DTNB: variants seen among roughly 807,000 people sequenced by gnomAD.
DTNB encodes DTN-B.
A neutral mutation model predicts 90.7 loss-of-function variants in DTNB; 63 were observed. That is an observed-to-expected ratio of 0.69 (90% CI 0.57 to 0.86). The LOEUF (loss-of-function observed/expected upper bound fraction) is 0.86. Ranked by LOEUF, DTNB falls within the 40% of genes least tolerant of loss-of-function variation. DTNB has a pLI of 0.00. For missense variants in DTNB, 744 were observed against 807.1 expected, an observed-to-expected ratio of 0.92 and a Z score of 0.95; for synonymous variants, 277 against 286.7, an observed-to-expected ratio of 0.97 and a Z score of 0.34.
rs751578087 is a variant in DTNB, at chr2:25,424,671, ATTT to A, written c.1554+2861_1554+2863del. On this transcript the variant is annotated intron_variant, in intron 15 of 20. Coordinates refer to ENST00000406818, the MANE Select transcript of DTNB (RefSeq NM_021907.5). This position sits in a 1 kb window ranked among gnomAD's most constrained non-coding sequence, Gnocchi z 4.1. ...CAGGGAAGAGGTGAGTGGATCCCCT[ATTT>A]TTTTTTTTTTTGAGACTGAGTCTTA... Among the ~76,000 whole-genome samples the A allele has an allele frequency of 7.0e-6, 1 of 141,858 alleles. No individual in the cohort carries two copies. The highest frequency in any genetic ancestry group is 1.6e-5 in the Non-Finnish European group (1 of 64,386). 93.1% of individuals were successfully genotyped at this position (141,858 alleles called of 152,430 possible).
intron 10 of DTNB, among the ~76,000 whole-genome samples, chr2:25,472,560 T>G (rs1315834450): frequency 2.6e-5 from 4 of 152,190 alleles, no homozygotes; most frequent in Non-Finnish European, 5.9e-5. Context: ...CAGCTACCTA[T>G]GGCTATTTTA....
In DTNB at chr2:25,379,325, T is replaced by C; in HGVS notation, c.1880-2A>G. 2 of 1,316,740 alleles carry C rather than the reference T, an allele frequency of 1.5e-6. No homozygotes were observed. Among genetic ancestry groups the C allele is most frequent in the Non-Finnish European group, 2.0e-6 (2 of 1,023,552 alleles). The allele number at this position is 1,316,740 out of a possible 1,614,324, so 81.6% of individuals were successfully genotyped here. ...TCTGTGTCCGGCTCCTCTGCTAACC[T>C]GTGGCAGCATGGGCAGAAACAACAC... is the stretch of plus-strand genomic sequence containing the variant. On this transcript the variant is annotated splice_acceptor_variant, in intron 19 of 20. Coordinates refer to ENST00000406818, the MANE Select transcript of DTNB (RefSeq NM_021907.5). LOFTEE classifies it high-confidence loss of function.
intron 6 of DTNB, 54 bp downstream of exon 6, chr2:25,596,032 T>C: frequency 2.1e-6 from 3 of 1,456,204 alleles, no homozygotes; most frequent in Non-Finnish European, 1.8e-6. Flanking sequence ...TGTTAGAAGG[T>C]GAAGGGAGGG....
chr2:25,625,637 T>C (rs1360909845), intron 4 of DTNB, among the ~76,000 whole-genome samples: 1 of 151,318 alleles, frequency 6.6e-6, no homozygotes, highest in Non-Finnish European at 1.5e-5. Flanking sequence ...TGTCCACTTA[T>C]TCTCGTCTCT....
chr2:25,638,923 T>A (rs2077637989), intron 3 of DTNB, 91 bp downstream of exon 3: 11 of 1,252,224 alleles, frequency 8.8e-6, no homozygotes, highest in African/African-American at 1.5e-5. Flanking sequence ...ATAATTCAAT[T>A]AACATTACAA....
At chr2:25,547,987 A>AAACT (rs1242666092) in intron 8 of DTNB, among the ~76,000 whole-genome samples, 1 of 152,228 alleles carries the variant, frequency 6.6e-6, no homozygotes. Flanking sequence ...ACAGAAAGCA[A>AAACT]AACTGTCTGT....
rs187851721 is a variant in DTNB, at chr2:25,461,150, C to T, written c.1080-5656G>A. On this transcript the variant is annotated intron_variant, in intron 10 of 20. Coordinates refer to ENST00000406818, the MANE Select transcript of DTNB (RefSeq NM_021907.5). ...TACTCCCGACCTTAGGTGATCCGCC[C>T]GCCTTGGTCTCCCAAAGTGTTGGGA... 3.9e-3 allele frequency among the ~76,000 whole-genome samples: 596 copies of T among 152,304 alleles called. 2 individuals are homozygous for T. Among genetic ancestry groups the T allele is most frequent in the South Asian group, 6.8e-3 (33 of 4,824 alleles).
At chr2:25,504,233 A>G (rs2071633433) in intron 9 of DTNB, among the ~76,000 whole-genome samples, 1 of 151,668 alleles carries the variant, frequency 6.6e-6, no homozygotes, top group Non-Finnish European at 1.5e-5. Context: ...GCACCACTAC[A>G]CTCTAGCCTG....
At chr2:25,597,903 A>G (rs1469407426) in intron 5 of DTNB, among the ~76,000 whole-genome samples, 2 of 152,178 alleles carry the variant, frequency 1.3e-5, no homozygotes, top group African/African-American at 4.8e-5. Context: ...TGACAACAGA[A>G]AAAACAGAGG....
At chr2:25,461,126 A>T (rs1574763373) in intron 10 of DTNB, among the ~76,000 whole-genome samples, 1 of 152,062 alleles carries the variant, frequency 6.6e-6, no homozygotes, top group African/African-American at 2.4e-5. Context: ...CTGGTCTTGT[A>T]CTCCCGACCT....
intron 9 of DTNB, among the ~76,000 whole-genome samples, chr2:25,505,214 T>TA (rs1213179189): frequency 6.6e-6 from 1 of 152,118 alleles, no homozygotes; most frequent in Non-Finnish European, 1.5e-5. Context: ...TGCATTGGAG[T>TA]ACCCCAGGTG....
intron 6 of DTNB, among the ~76,000 whole-genome samples, chr2:25,587,470 A>C (rs1432033337): frequency 6.6e-6 from 1 of 152,116 alleles, no homozygotes; most frequent in Non-Finnish European, 1.5e-5. Flanking sequence ...GGAAGTCCAG[A>C]ATGGGACTGC....
intron 16 of DTNB, among the ~76,000 whole-genome samples, chr2:25,417,858 T>C (rs1228648821): frequency 1.3e-5 from 2 of 152,156 alleles, no homozygotes; most frequent in Non-Finnish European, 1.5e-5. Context: ...TTTGTCTACT[T>C]GGGGGAGGTA....
At chr2:25,568,960 G>A (rs2059435252) in intron 8 of DTNB, among the ~76,000 whole-genome samples, 1 of 152,220 alleles carries the variant, frequency 6.6e-6, no homozygotes, top group African/African-American at 2.4e-5. Context: ...GACAACTGCT[G>A]TCTGGATGCC....
At chr2:25,589,367 CTTTTTTTTTTTTTTTT>C (rs1169808182) in intron 6 of DTNB, among the ~76,000 whole-genome samples, 1 of 57,556 alleles carries the variant, frequency 1.7e-5, no homozygotes, top group Admixed American at 2.5e-4. Flanking sequence ...TTTTTCTTTT[CTTTTTTTTTTTTTTTT>C]TTTTTTTTTT....
At chr2:25,465,758 G>A (rs934307292) in intron 10 of DTNB, among the ~76,000 whole-genome samples, 3 of 152,118 alleles carry the variant, frequency 2.0e-5, no homozygotes, top group Non-Finnish European at 2.9e-5. Context: ...TCGTCTCTCC[G>A]GAGGGTCCTT....
intron 5 of DTNB, among the ~76,000 whole-genome samples, chr2:25,600,789 C>T (rs1162455419): frequency 6.6e-6 from 1 of 152,174 alleles, no homozygotes; most frequent in Non-Finnish European, 1.5e-5. Context: ...AAAGGAGTGA[C>T]TGGATAGTAA....
At chr2:25,669,901 T>C (rs984552169) in intron 1 of DTNB, among the ~76,000 whole-genome samples, 1 of 147,596 alleles carries the variant, frequency 6.8e-6, no homozygotes, top group African/African-American at 2.5e-5. Flanking sequence ...GAAGACCCTA[T>C]CTCAAAAAAA....
chr2:25,549,940 T>G (rs1357385595), intron 8 of DTNB, among the ~76,000 whole-genome samples: 3 of 151,834 alleles, frequency 2.0e-5, no homozygotes, highest in Non-Finnish European at 4.4e-5. Context: ...GGATTACAGG[T>G]GTGAGCCACT....
Sources: gnomAD v4.1 joint callset for allele counts (sites outside exome capture counted in the v4.1 genomes callset) on GRCh38, gnomAD v4.1.1 for gene constraint, Gnocchi (gnomAD v3.1) non-coding constraint, MANE v1.5 for transcripts, NCBI Gene and HGNC (gene_info 2026-07-23, HGNC 2026-07-21) for gene names.